The following SLC26A6 variants were observed in gnomAD, a reference collection of about 807,000 sequenced individuals.
The protein encoded by SLC26A6 is anion exchange transporter.
In SLC26A6, 67 loss-of-function variants were observed where a neutral mutation model predicts 87.1. The observed-to-expected ratio is 0.77, with a 90% CI of 0.63 to 0.94. The LOEUF (loss-of-function observed/expected upper bound fraction) is 0.94. Among genes scored for constraint, SLC26A6 ranks in the 40% least tolerant of loss-of-function variants. The pLI, the probability that SLC26A6 is intolerant of heterozygous loss-of-function variation, is 0.00. For missense variants in SLC26A6, 902 were observed against 973.0 expected (o/e 0.93, Z 0.97); for synonymous variants, 414 against 405.9 (o/e 1.02, Z -0.24).
In SLC26A6 at chr3:48,633,367, G is replaced by A. The variant is rs1365708087; in HGVS notation, c.206C>T (p.Ala69Val). Residue 69 changes from alanine to valine, a missense_variant, in exon 3 of 21, where the codon GCC becomes GTC. Transcript: ENST00000395550. Reference protein sequence around the residue: ...WLQCSRARAYALLLQHLPVLV... With the variant: ...WLQCSRARAYVLLLQHLPVLV... ...AACCGGGAGGTGTTGGAGCAGAAGG[G>A]CATAGGCCCGAGCACGGGAGCACCT... 3 of 1,613,470 alleles carry A rather than the reference G, an allele frequency of 1.9e-6. No individual in the cohort carries two copies. Among genetic ancestry groups the A allele is most frequent in the Non-Finnish European group, 2.5e-6 (3 of 1,180,012 alleles).
intron 1 of SLC26A6, chr3:48,634,718 G>A (rs1055169145): frequency 1.4e-5 from 14 of 985,254 alleles, no homozygotes; most frequent in Non-Finnish European, 1.6e-5. Context: ...CCATTTGAGG[G>A]ACAGGAACTC....
intron 19 of SLC26A6, 43 bp from the exon 20 acceptor site, chr3:48,626,397 A>T: frequency 6.2e-7 from 1 of 1,613,080 alleles, no homozygotes. Flanking sequence ...CAGAACCTCT[A>T]GGAACTCAAC....
Position 48,628,718 on chromosome 3 carries a change from G to A in SLC26A6, c.1600-4C>T. On this transcript the variant is annotated splice_region_variant and splice_polypyrimidine_tract_variant and intron_variant, in intron 14 of 20. Coordinates refer to ENST00000395550, the MANE Select transcript of SLC26A6 (RefSeq NM_022911.3). This position sits in a 1 kb window ranked among gnomAD's most constrained non-coding sequence, Gnocchi z 4.4. ...TCACCCCCCGGACTTCCTTGGCCTG[G>A]GGATGAGGCAGAACTGGTGGTGGCT... The A allele has an allele frequency of 6.2e-7, 1 of 1,612,886 alleles. No homozygotes were observed. Among genetic ancestry groups the A allele is most frequent in the Non-Finnish European group, 8.5e-7 (1 of 1,179,596 alleles).
chr3:48,630,903 G>A (rs576163147), intron 9 of SLC26A6, 90 bp downstream of exon 9: 5 of 1,572,856 alleles, frequency 3.2e-6, no homozygotes, highest in East Asian at 4.5e-5. Flanking sequence ...CACATCTGCT[G>A]TCTCCCTGTG....
intron 17 of SLC26A6, 124 bp from the exon 18 acceptor site, chr3:48,627,179 A>C: frequency 8.6e-7 from 1 of 1,159,388 alleles, no homozygotes; most frequent in Non-Finnish European, 1.2e-6. Context: ...TAAGGACACA[A>C]ACATGCGGGA....
rs2046873614 is a variant in SLC26A6 at position 48,633,576 on chromosome 3, T to C, written c.83A>G (p.Asp28Gly). ...CAGCAGCGGCCGTTCCATGTGGTAG[T>C]CTCGCCTCCGCAGGTCCATTGCTTG... is the stretch of plus-strand genomic sequence containing the variant. ...ATQAMDLRRR[D>G]YHMERPLLNQ... Residue 28 changes from aspartate to glycine, a missense_variant, in exon 2 of 21, where the codon GAC (aspartate) becomes GGC (glycine). By Grantham distance (94) the Asp-to-Gly change is moderately conservative (BLOSUM62 -1). This residue lies in a region of SLC26A6 where 800 missense variants were observed against 856.8 expected (regional missense o/e 0.93). Transcript: ENST00000395550. The C allele has an allele frequency of 4.3e-6, 7 of 1,613,556 alleles. No individual in the cohort carries two copies. Among genetic ancestry groups the C allele is most frequent in the Non-Finnish European group, 5.1e-6 (6 of 1,180,008 alleles).
intron 17 of SLC26A6, chr3:48,627,633 C>T (rs529048515): frequency 1.4e-4 from 34 of 246,856 alleles, no homozygotes; most frequent in African/African-American, 7.1e-4. Context: ...TACCACCACG[C>T]CTGCCTTTGA....
chr3:48,633,504 C>A lies in SLC26A6; in HGVS notation c.155G>T (p.Arg52Met), dbSNP rs2046871615. 2 of 1,613,272 alleles carry A rather than the reference C, an allele frequency of 1.2e-6. No individual in the cohort carries two copies. Among genetic ancestry groups the A allele is most frequent in the East Asian group, 2.2e-5 (1 of 44,884 alleles). The change falls in exon 2 of 21, where the codon AGG becomes ATG. Residue 52 changes from arginine (R) to methionine (M), a missense_variant. Physicochemically the swap from Arg to Met is moderately conservative, Grantham distance 91 (BLOSUM62 -1). Around this residue, in one of 3 missense-constraint regions of SLC26A6, gnomAD observed 800 missense variants for 856.8 expected, o/e 0.93. Coordinates refer to ENST00000395550, the MANE Select transcript of SLC26A6 (RefSeq NM_022911.3). ...EELGRWGSAP[R>M]THQWRTWLQC... The stretch of plus-strand genomic sequence containing the variant: ...CAACCAGGTCCGCCACTGGTGGGTC[C>A]TAGGTGCTGAGCCCCAGCGCCCCAG...
chr3:48,626,846 C>G (rs775441604), intron 18 of SLC26A6, 30 bp downstream of exon 18: 7 of 1,607,358 alleles, frequency 4.4e-6, no homozygotes, highest in Non-Finnish European at 4.2e-6. Flanking sequence ...TGTGGAAGCT[C>G]GAGGGGCCTT....
rs1233737683 is a variant in SLC26A6 at position 48,628,779 on chromosome 3, G to A, written c.1600-65C>T. ...TCTCCTGGCTGCATCCTGTTCTCCT[G>A]CCTTTCCTTCCCTAGTGTGCCCAGT... On this transcript the variant is annotated intron_variant, in intron 14 of 20. Transcript: ENST00000395550. The surrounding 1 kb of genome is among the most constrained non-coding windows in gnomAD (Gnocchi z 4.4). 6.4e-6 allele frequency: 10 copies of A among 1,556,858 alleles called. No homozygotes were observed. In the South Asian group the frequency reaches 9.2e-5, roughly 14 times the overall value.
At chr3:48,632,484 T>C (rs2046833273) in intron 4 of SLC26A6, 88 bp from the exon 5 acceptor site, 1 of 1,513,604 alleles carries the variant, frequency 6.6e-7, no homozygotes, top group Non-Finnish European at 9.0e-7. Context: ...CCAGGAGACT[T>C]CCAGTTCTGG....
At chr3:48,630,841 T>C (rs2046766609) in intron 9 of SLC26A6, 121 bp from the exon 10 acceptor site, 17 of 1,498,402 alleles carry the variant, frequency 1.1e-5, no homozygotes, top group Non-Finnish European at 1.5e-5. Flanking sequence ...AGAGACTGGA[T>C]GCTGTCCCAC....
chr3:48,626,547 T>C, intron 19 of SLC26A6, 84 bp downstream of exon 19: 1 of 1,596,378 alleles, frequency 6.3e-7, no homozygotes, highest in Non-Finnish European at 8.6e-7. Flanking sequence ...GAAAGACTTT[T>C]TCCTTGTGCT....
chr3:48,635,343 G>T (rs934515978), intron 1 of SLC26A6, 28 bp downstream of exon 1: 1 of 1,584,154 alleles, frequency 6.3e-7, no homozygotes, highest in Admixed American at 1.8e-5. Context: ...GCTCGCGCGG[G>T]GCCACCGGGA....
chr3:48,631,971 G>A lies in SLC26A6; in HGVS notation c.659C>T (p.Thr220Ile), dbSNP rs771869373. ...GACGAAGACCTGCACAGCTGCAGCT[G>A]TGGTATAGCCTCGGACAAGAGGTTC... ...LSEPLVRGYT[T>I]AAAVQVFVSQ... The change falls in exon 6 of 21, where the codon ACA becomes ATA. Residue 220 changes from threonine (T) to isoleucine (I), a missense_variant. Thr to Ile is a moderately conservative substitution (Grantham distance 89, BLOSUM62 -1). Coordinates refer to ENST00000395550, the MANE Select transcript of SLC26A6 (RefSeq NM_022911.3). The A allele has an allele frequency of 6.2e-7, 1 of 1,613,464 alleles. No homozygotes were observed. The highest frequency in any genetic ancestry group is 1.7e-5 in the Admixed American group (1 of 60,012).
chr3:48,634,801 A>C, intron 1 of SLC26A6: 1 of 959,026 alleles, frequency 1.0e-6, no homozygotes, highest in Non-Finnish European at 1.2e-6. Context: ...ATCCTCAGAG[A>C]CTCTTGGGAC....
chr3:48,632,902 A>G, intron 4 of SLC26A6, 72 bp downstream of exon 4: 1 of 1,439,078 alleles, frequency 6.9e-7, no homozygotes. Context: ...TGCCCTGCTC[A>G]GTGCCCCCTC....
chr3:48,627,470 A>T (rs1318160493), intron 17 of SLC26A6: 1 of 194,294 alleles, frequency 5.1e-6, no homozygotes, highest in African/African-American at 2.4e-5. Flanking sequence ...TTGACCCCTC[A>T]ATTTTTTTTT....
Position 48,635,452 on chromosome 3 carries a change from T to G in SLC26A6, c.-59A>C. ...CTGCTCGAGCTAGAGGCCGCTACGCTCCGGAAGGCGGCGCCGGGACCGGGT... is the reference window on the plus strand; with the variant it reads ...CTGCTCGAGCTAGAGGCCGCTACGCGCCGGAAGGCGGCGCCGGGACCGGGT... On this transcript the variant is annotated 5_prime_UTR_variant, in exon 1 of 21. Transcript: ENST00000395550. 1 of 1,547,452 alleles carries G rather than the reference T, an allele frequency of 6.5e-7. No individual in the cohort carries two copies. The highest frequency in any genetic ancestry group is 8.7e-7 in the Non-Finnish European group (1 of 1,147,572).
Sources: gnomAD v4.1 joint callset for allele counts on GRCh38, gnomAD v4.1.1 for gene constraint, gnomAD v4.1.1 regional missense constraint, Gnocchi (gnomAD v3.1) non-coding constraint, MANE v1.5 for transcripts, NCBI Gene and HGNC (gene_info 2026-07-23, HGNC 2026-07-21) for gene names.